Variants in HMG20A observed in about 807,000 individuals in gnomAD.
The protein encoded by HMG20A is high mobility group 20A.
Under a neutral mutation model 43.9 loss-of-function variants are expected in HMG20A, and 17 were observed. The observed-to-expected ratio is 0.39, with a 90% CI of 0.27 to 0.58. HMG20A has a LOEUF of 0.58. Ranked by LOEUF, HMG20A falls within the 20% of genes least tolerant of loss-of-function variation. The pLI is 0.59. For synonymous variants in HMG20A, 132 were observed against 147.5 expected, an observed-to-expected ratio of 0.89 and a Z score of 0.76; for missense variants, 341 against 438.2, an observed-to-expected ratio of 0.78 and a Z score of 1.98.
chr15:77,463,329 T>C (rs1170513166), intron 2 of HMG20A, among the ~76,000 whole-genome samples: 3 of 152,224 alleles, frequency 2.0e-5, no homozygotes, highest in Non-Finnish European at 4.4e-5. Flanking sequence ...TATGGTACTT[T>C]TAACAAGCCA....
At chr15:77,439,778 G>C (rs938482293) in intron 1 of HMG20A, among the ~76,000 whole-genome samples, 17 of 152,068 alleles carry the variant, frequency 1.1e-4, no homozygotes, top group African/African-American at 4.1e-4. Flanking sequence ...TCATAGGATA[G>C]GTGTATTTTA....
chr15:77,422,383 C>G (rs1459886741), intron 1 of HMG20A, among the ~76,000 whole-genome samples: 1 of 152,072 alleles, frequency 6.6e-6, no homozygotes, highest in Non-Finnish European at 1.5e-5. Flanking sequence ...TTTGGGAGGC[C>G]TAGGCGGGCA....
In HMG20A at chr15:77,477,638, C is replaced by T. The variant is rs2072868569; in HGVS notation, c.691+8C>T. Reference sequence around the variant, plus strand: ...TCTTGAACCATAGCAAAGGTGATTACTGAAGTTTCTTTTTGTGTTTCTCAG... The same window carrying T: ...TCTTGAACCATAGCAAAGGTGATTATTGAAGTTTCTTTTTGTGTTTCTCAG... On this transcript the variant is annotated splice_region_variant and intron_variant, in intron 7 of 9. Coordinates refer to ENST00000336216, the MANE Select transcript of HMG20A (RefSeq NM_001304504.2). 1.3e-6 allele frequency: 2 copies of T among 1,583,042 alleles called. No individual in the cohort carries two copies. Among genetic ancestry groups the T allele is most frequent in the Non-Finnish European group, 1.7e-6 (2 of 1,157,428 alleles).
At chr15:77,516,216 G>A in the HMG20A span, among the ~76,000 whole-genome samples, 2 of 152,134 alleles carry the variant, frequency 1.3e-5, no homozygotes, top group Non-Finnish European at 2.9e-5. Context: ...AGAAGCACAC[G>A]GCTGGCCATG....
At chr15:77,490,617 G>C in the HMG20A span, among the ~76,000 whole-genome samples, 2 of 152,322 alleles carry the variant, frequency 1.3e-5, no homozygotes, top group Non-Finnish European at 2.9e-5. Context: ...GAGCCCAGGA[G>C]TTCAAGACCA....
chr15:77,425,940 A>G (rs896948174), intron 1 of HMG20A, among the ~76,000 whole-genome samples: 2 of 152,230 alleles, frequency 1.3e-5, no homozygotes, highest in African/African-American at 4.8e-5. Context: ...ATTCAGCAAC[A>G]AAGAGAAACA....
chr15:77,471,649 T>A, intron 5 of HMG20A, 134 bp from the exon 6 acceptor site: 2 of 648,770 alleles, frequency 3.1e-6, no homozygotes, highest in Non-Finnish European at 5.4e-6. Flanking sequence ...TAATAAAGCC[T>A]TAAGGAAAAA....
the HMG20A span, among the ~76,000 whole-genome samples, chr15:77,496,890 C>G: frequency 6.6e-6 from 1 of 152,254 alleles, no homozygotes; most frequent in East Asian, 1.9e-4. Flanking sequence ...CCAATTCATC[C>G]GACACAGACA....
rs146230121 is a variant in HMG20A at position 77,462,897 on chromosome 15, T to A, written c.90-1343T>A. Among the ~76,000 whole-genome samples the A allele has an allele frequency of 2.5e-3, 382 of 151,878 alleles. 3 individuals carry two copies. Among genetic ancestry groups the A allele is most frequent in the Non-Finnish European group, 3.9e-3 (262 of 67,882 alleles). ...AAGCGGTTCTCCTGCCTCAGCCTTC[T>A]GAGTAGCTAGGATTACAGGCACTGC... On this transcript the variant is annotated intron_variant, in intron 2 of 9. Transcript: ENST00000336216.
At chr15:77,449,043 G>A (rs898015935) in intron 1 of HMG20A, among the ~76,000 whole-genome samples, 3 of 151,896 alleles carry the variant, frequency 2.0e-5, no homozygotes, top group East Asian at 1.9e-4. Flanking sequence ...AGTGAGGCTC[G>A]TCTCAAAAAT....
chr15:77,488,025 C>A (rs1324519358), downstream of HMG20A, among the ~76,000 whole-genome samples: 1 of 152,166 alleles, frequency 6.6e-6, no homozygotes, highest in Non-Finnish European at 1.5e-5. Context: ...AATGTAAATT[C>A]TCTTAGCTTA....
intron 9 of HMG20A, among the ~76,000 whole-genome samples, chr15:77,479,798 A>T (rs554886893): frequency 1.3e-5 from 2 of 152,310 alleles, no homozygotes; most frequent in East Asian, 3.9e-4. Flanking sequence ...AATAAATATA[A>T]CTTAATTTTT....
At chr15:77,463,064 A>C (rs59362734) in intron 2 of HMG20A, among the ~76,000 whole-genome samples, 33,526 of 151,848 alleles carry the variant, frequency 0.22, 4,145 homozygotes, top group Middle Eastern at 0.29. Flanking sequence ...GAGGCACCAC[A>C]CCTAGCCATT....
chr15:77,479,584 A>G (rs1020702204), intron 9 of HMG20A: 4 of 299,736 alleles, frequency 1.3e-5, no homozygotes, highest in Admixed American at 4.8e-5. Flanking sequence ...TGTCTCTAAA[A>G]ATAAAAGAAA....
At chr15:77,422,047 CTA>C (rs1440188984) in intron 1 of HMG20A, among the ~76,000 whole-genome samples, 24 of 152,154 alleles carry the variant, frequency 1.6e-4, no homozygotes, top group African/African-American at 5.6e-4. Flanking sequence ...TTTTAATAAA[CTA>C]TATGTGAGGC....
At chr15:77,514,444 A>G in the HMG20A span, among the ~76,000 whole-genome samples, 2 of 151,754 alleles carry the variant, frequency 1.3e-5, no homozygotes, top group Non-Finnish European at 2.9e-5. Flanking sequence ...TGAAATGGAT[A>G]GTGGCTACAC....
At chr15:77,472,177 G>T (rs2072815327) in intron 6 of HMG20A, among the ~76,000 whole-genome samples, 1 of 151,728 alleles carries the variant, frequency 6.6e-6, no homozygotes, top group East Asian at 2.0e-4. Context: ...CAGAAAAGTT[G>T]TTATTTAAAG....
At chr15:77,449,912 A>G (rs181237816) in intron 1 of HMG20A, among the ~76,000 whole-genome samples, 5 of 152,242 alleles carry the variant, frequency 3.3e-5, no homozygotes, top group Non-Finnish European at 7.4e-5. Flanking sequence ...TATCACGTAG[A>G]AAGTTTCACT....
the HMG20A span, among the ~76,000 whole-genome samples, chr15:77,510,863 G>A: frequency 6.6e-6 from 1 of 152,226 alleles, no homozygotes; most frequent in Admixed American, 6.5e-5. Flanking sequence ...AATTACCTGG[G>A]GCGGAAATGC....
Sources: allele counts gnomAD v4.1 joint callset (sites outside exome capture counted in the v4.1 genomes callset), GRCh38; gene constraint gnomAD v4.1.1; transcripts MANE v1.5; gene names NCBI Gene and HGNC (gene_info 2026-07-23, HGNC 2026-07-21).